Variants in HEPACAM2 observed in about 807,000 individuals in gnomAD.
The protein encoded by HEPACAM2 is mitotic kinetics regulator.
HEPACAM2 carries 49 observed loss-of-function variants against 49.6 expected under a neutral mutation model. The observed-to-expected ratio is 0.99, with a 90% CI of 0.78 to 1.25. HEPACAM2 has a LOEUF of 1.25. HEPACAM2 is among the 50% of genes most tolerant of loss of function. The probability of loss-of-function intolerance (pLI) is 0.00; values close to 1 mark genes in which losing one functional copy is unlikely to be tolerated. For missense variants in HEPACAM2, 525 were observed against 557.2 expected, an observed-to-expected ratio of 0.94 and a Z score of 0.58; for synonymous variants, 197 against 202.9, an observed-to-expected ratio of 0.97 and a Z score of 0.25.
At position 93,219,268 on chromosome 7, in the gene HEPACAM2, A is replaced by T; in HGVS notation, c.263T>A (p.Val88Glu). The change falls in exon 2 of 10, where the codon GTG becomes GAG. Residue 88 changes from valine to glutamate, a missense_variant. Coordinates refer to ENST00000394468, the MANE Select transcript of HEPACAM2 (RefSeq NM_001039372.4). ...GTGTTGGTATTCCAAGTCAGGAACC[A>T]CAGACTTATTCACAGAGCCCAGTAA... ...KYLLGSVNKS[V>E]VPDLEYQHKF... 6.2e-7 allele frequency: 1 copy of T among 1,614,026 alleles called. No homozygotes were observed. The highest frequency in any genetic ancestry group is 8.5e-7 in the Non-Finnish European group (1 of 1,179,950).
chr7:93,212,342 C>T (rs1446178885), intron 3 of HEPACAM2, among the ~76,000 whole-genome samples: 1 of 151,820 alleles, frequency 6.6e-6, no homozygotes. Flanking sequence ...TATTTATATG[C>T]TATATTTGGC....
At chr7:93,231,099 C>T (rs945748122), upstream of HEPACAM2, among the ~76,000 whole-genome samples, 1 of 152,096 alleles carries the variant, frequency 6.6e-6, no homozygotes, top group African/African-American at 2.4e-5. Context: ...CAGAAATAAC[C>T]TCTGTTAGTG....
At position 93,197,221 on chromosome 7, in the gene HEPACAM2, C is replaced by T; in HGVS notation, c.1201+20G>A. On this transcript the variant is annotated intron_variant, in intron 7 of 9. Coordinates refer to ENST00000394468, the MANE Select transcript of HEPACAM2 (RefSeq NM_001039372.4). ...ACATACATTAAAACTGATAATAGCC[C>T]TTTTCAGCTTGGCCATTACCTGAAA... The T allele has an allele frequency of 7.5e-6, 12 of 1,600,886 alleles. No homozygotes were observed. The highest frequency in any genetic ancestry group is 1.0e-5 in the Non-Finnish European group (12 of 1,172,036).
At chr7:93,195,013 G>A (rs1393796335) in intron 8 of HEPACAM2, among the ~76,000 whole-genome samples, 1 of 139,308 alleles carries the variant, frequency 7.2e-6, no homozygotes, top group Non-Finnish European at 1.5e-5. Flanking sequence ...TAATAAAGAT[G>A]TATACTTGCA....
At chr7:93,227,170 A>C (rs1794557201), upstream of HEPACAM2, among the ~76,000 whole-genome samples, 1 of 152,196 alleles carries the variant, frequency 6.6e-6, no homozygotes, top group South Asian at 2.1e-4. Flanking sequence ...GCTGATGCAT[A>C]GAGGAAGTGA....
At chr7:93,191,831 G>A (rs991171700) in intron 9 of HEPACAM2, among the ~76,000 whole-genome samples, 5 of 152,028 alleles carry the variant, frequency 3.3e-5, no homozygotes, top group Admixed American at 2.0e-4. Flanking sequence ...TGGACCCTCT[G>A]TAGGCTTTTA....
Position 93,219,167 on chromosome 7 carries a change from C to T in HEPACAM2, c.364G>A (p.Val122Met), listed in dbSNP as rs139218067. 172 of 1,613,802 alleles carry T rather than the reference C, an allele frequency of 1.1e-4. No individual in the cohort carries two copies. The highest frequency in any genetic ancestry group is 4.9e-4 in the South Asian group (45 of 91,076). The change falls in exon 2 of 10, where the codon GTG becomes ATG. Residue 122 changes from valine to methionine, a missense_variant. By Grantham distance (21) the Val-to-Met change is conservative. Coordinates refer to ENST00000394468, the MANE Select transcript of HEPACAM2 (RefSeq NM_001039372.4). ...LQFPDEGNYI[V>M]KVNIQGNGTL... Reference sequence around the variant, plus strand: ...CCATTTCCCTGAATGTTGACCTTCACGATGTAATTGCCTTCATCAGGGAAC... The same window carrying T: ...CCATTTCCCTGAATGTTGACCTTCATGATGTAATTGCCTTCATCAGGGAAC...
intron 9 of HEPACAM2, among the ~76,000 whole-genome samples, chr7:93,191,355 A>G (rs1793540697): frequency 6.6e-6 from 1 of 152,030 alleles, no homozygotes; most frequent in East Asian, 1.9e-4. Flanking sequence ...CCCCAGCACT[A>G]GGTTTCCTCA....
chr7:93,225,302 G>C (rs1357296521), intron 1 of HEPACAM2, among the ~76,000 whole-genome samples: 7 of 151,912 alleles, frequency 4.6e-5, no homozygotes, highest in Non-Finnish European at 8.8e-5. Flanking sequence ...ATCTATTATA[G>C]GCTTAAATTT....
chr7:93,209,082 A>T (rs1464572280), intron 3 of HEPACAM2, among the ~76,000 whole-genome samples: 6 of 152,044 alleles, frequency 3.9e-5, no homozygotes, highest in Admixed American at 2.6e-4. Context: ...ATTATTTGAG[A>T]TTTGATTTGA....
chr7:93,195,962 A>G (rs1329364020), intron 7 of HEPACAM2, 61 bp from the exon 8 acceptor site: 1 of 1,201,692 alleles, frequency 8.3e-7, no homozygotes, highest in Non-Finnish European at 1.2e-6. Context: ...TTGTTTTTTA[A>G]ACCTTTGTAA....
rs772759355 is a variant in HEPACAM2, at chr7:93,192,316, A to G, written c.1323T>C (p.Asp441=). The G allele has an allele frequency of 1.9e-6, 3 of 1,612,860 alleles. No homozygotes were observed. Among genetic ancestry groups the G allele is most frequent in the African/African-American group, 1.3e-5 (1 of 74,942 alleles). ...TAACTTCATACACTGTACTGTGCAA[A>G]TCTTGCCCCGATACACAATCAGAGG... ...VPASDCVSGQ[D]LHSTVYEVIQ... Residue 441 remains aspartate (D), a synonymous_variant, in exon 9 of 10, where the codon GAT becomes GAC. Transcript: ENST00000394468.
rs768960606 is a variant in HEPACAM2, at chr7:93,197,288, C to A, written c.1164-10G>T. The A allele has an allele frequency of 2.7e-5, 43 of 1,610,156 alleles. No homozygotes were observed. Among genetic ancestry groups the A allele is most frequent in the Non-Finnish European group, 3.6e-5 (43 of 1,178,368 alleles). ...GTATTCTGTTTCTGGCCTGAAAAGACAAAATAGGTATTTTTGTCAGGGATA... is the reference window on the plus strand; with the variant it reads ...GTATTCTGTTTCTGGCCTGAAAAGAAAAAATAGGTATTTTTGTCAGGGATA... On this transcript the variant is annotated splice_polypyrimidine_tract_variant and intron_variant, in intron 6 of 9. Coordinates refer to ENST00000394468, the MANE Select transcript of HEPACAM2 (RefSeq NM_001039372.4).
At chr7:93,197,343 C>A (rs756679288) in intron 6 of HEPACAM2, 30 bp downstream of exon 6, 1 of 1,601,794 alleles carries the variant, frequency 6.2e-7, no homozygotes, top group South Asian at 1.1e-5. Context: ...CTAAGGAAAA[C>A]AACTATTTTC....
upstream of HEPACAM2, among the ~76,000 whole-genome samples, chr7:93,229,439 G>A (rs1228198648): frequency 6.6e-6 from 1 of 152,158 alleles, no homozygotes; most frequent in East Asian, 1.9e-4. Context: ...TGGAGGGGCT[G>A]CATCTCTCCA....
At chr7:93,211,173 T>C (rs75083053) in intron 3 of HEPACAM2, among the ~76,000 whole-genome samples, 1,968 of 152,172 alleles carry the variant, frequency 0.013, 31 homozygotes, top group South Asian at 0.031. Context: ...GAAAACAGAC[T>C]AATCTATGTT....
chr7:93,195,754 TAAAC>T (rs1793697188), intron 8 of HEPACAM2, 70 bp downstream of exon 8: 6 of 1,192,540 alleles, frequency 5.0e-6, no homozygotes, highest in Non-Finnish European at 7.5e-6. Flanking sequence ...GCCCAGTGCT[TAAAC>T]AAATGCTTTT....
chr7:93,212,359 G>C (rs1794196877), intron 3 of HEPACAM2, among the ~76,000 whole-genome samples: 1 of 151,886 alleles, frequency 6.6e-6, no homozygotes, highest in Non-Finnish European at 1.5e-5. Context: ...TGGCTCTTCA[G>C]AAGCAGCCTC....
At chr7:93,193,317 T>A (rs1793604346) in intron 8 of HEPACAM2, among the ~76,000 whole-genome samples, 2 of 152,160 alleles carry the variant, frequency 1.3e-5, no homozygotes, top group African/African-American at 4.8e-5. Flanking sequence ...TGTGATTTCT[T>A]CTGTCATTTT....
Sources: gnomAD v4.1 joint callset for allele counts (sites outside exome capture counted in the v4.1 genomes callset) on GRCh38, gnomAD v4.1.1 for gene constraint, MANE v1.5 for transcripts, NCBI Gene and HGNC (gene_info 2026-07-23, HGNC 2026-07-21) for gene names.